FMN1: variants seen among roughly 807,000 people sequenced by gnomAD.
FMN1 encodes the protein formin 1, also known as formin-1.
FMN1 carries 110 observed loss-of-function variants against 132.4 expected under a neutral mutation model. The ratio of observed to expected loss-of-function variants is 0.83; its 90% confidence interval spans 0.71 to 0.97. The LOEUF (loss-of-function observed/expected upper bound fraction) is 0.97, where lower values mean the gene tolerates loss of function less well. Among genes scored for constraint, FMN1 ranks in the 50% least tolerant of loss-of-function variants. FMN1 has a pLI of 0.00. For missense variants in FMN1, 1,792 were observed against 1,705.3 expected (o/e 1.05, Z -0.90); for synonymous variants, 722 against 651.7 (o/e 1.11, Z -1.64).
At chr15:33,104,132 T>TAAACA (rs2039395830) in intron 4 of FMN1, among the ~76,000 whole-genome samples, 1 of 152,152 alleles carries the variant, frequency 6.6e-6, no homozygotes, top group African/African-American at 2.4e-5. Context: ...AAGTGCATGA[T>TAAACA]AAACATTCCC....
intron 6 of FMN1, 79 bp downstream of exon 6, chr15:33,064,878 T>G: frequency 1.0e-6 from 1 of 962,436 alleles, no homozygotes. Context: ...CCCCAAATTC[T>G]GAGAGTCAAC....
intron 7 of FMN1, among the ~76,000 whole-genome samples, chr15:32,981,065 T>A (rs2032614781): frequency 6.6e-6 from 1 of 152,190 alleles, no homozygotes; most frequent in Non-Finnish European, 1.5e-5. Flanking sequence ...TTAGAGCTCT[T>A]TTATTTTATT....
chr15:32,903,667 A>G (rs541055104), intron 12 of FMN1, among the ~76,000 whole-genome samples: 1 of 152,346 alleles, frequency 6.6e-6, no homozygotes, highest in East Asian at 1.9e-4. Context: ...GCTCACCAAA[A>G]AGGACTTAGA....
At chr15:32,780,891 T>C (rs1025933634) in intron 19 of FMN1, among the ~76,000 whole-genome samples, 1 of 152,170 alleles carries the variant, frequency 6.6e-6, no homozygotes, top group East Asian at 1.9e-4. Context: ...AACCCATACA[T>C]ACAGACATCT....
In FMN1 at chr15:33,153,634, ACT is replaced by A; in HGVS notation, c.1279_1280del (p.Ser427Ter). ...CCTCAGGGGCTTCATCTAACTTCTC[ACT>A]CTCTATCACCTTCAGGGGGACCTTG... ...VNKVPLKVIESEKLDEAPEGK... is the reference protein window; with the variant it reads ...VNKVPLKVIEXEKLDEAPEGK... On this transcript the variant is annotated frameshift_variant, in exon 4 of 21. Transcript: ENST00000616417. LOFTEE classifies it high-confidence loss of function. 1 of 1,535,454 alleles carries A rather than the reference ACT, an allele frequency of 6.5e-7. No individual in the cohort carries two copies. Among genetic ancestry groups the A allele is most frequent in the African/African-American group, 1.4e-5 (1 of 72,868 alleles).
chr15:32,914,263 A>G (rs915688452), intron 10 of FMN1, among the ~76,000 whole-genome samples: 2 of 152,190 alleles, frequency 1.3e-5, no homozygotes, highest in Non-Finnish European at 2.9e-5. Flanking sequence ...GACACTGAAA[A>G]CACTAATCTA....
chr15:32,784,254 A>C (rs2056773465), intron 19 of FMN1, among the ~76,000 whole-genome samples: 1 of 152,200 alleles, frequency 6.6e-6, no homozygotes, highest in Non-Finnish European at 1.5e-5. Flanking sequence ...CAGGGAGAAG[A>C]GGCAGAATTA....
intron 9 of FMN1, among the ~76,000 whole-genome samples, chr15:32,929,449 A>T (rs2061049133): frequency 6.6e-6 from 1 of 152,188 alleles, no homozygotes; most frequent in Admixed American, 6.5e-5. Flanking sequence ...AGTGCACAAC[A>T]TGAAATGTAT....
At chr15:32,879,442 G>T (rs2059712075) in intron 16 of FMN1, among the ~76,000 whole-genome samples, 2 of 152,150 alleles carry the variant, frequency 1.3e-5, no homozygotes, top group Admixed American at 1.3e-4. Context: ...GTCTTCTGGA[G>T]CTTCCCAAAA....
intron 8 of FMN1, among the ~76,000 whole-genome samples, chr15:32,966,685 A>T (rs1596361388): frequency 1.3e-5 from 2 of 152,366 alleles, no homozygotes. Context: ...GATGAGAGGC[A>T]GTGTACACAT....
chr15:33,111,195 A>G (rs1007657991), intron 4 of FMN1, among the ~76,000 whole-genome samples: 4 of 152,204 alleles, frequency 2.6e-5, no homozygotes, highest in African/African-American at 7.2e-5. Flanking sequence ...TGTACATTGT[A>G]AAATGCTTTC....
At chr15:33,059,667 TA>T (rs2037393773) in intron 6 of FMN1, among the ~76,000 whole-genome samples, 2 of 152,252 alleles carry the variant, frequency 1.3e-5, no homozygotes, top group African/African-American at 4.8e-5. Context: ...ACACATAATT[TA>T]TCAACAGAGT....
intron 6 of FMN1, among the ~76,000 whole-genome samples, chr15:33,016,241 A>T (rs1596475187): frequency 6.6e-6 from 1 of 152,352 alleles, no homozygotes; most frequent in African/African-American, 2.4e-5. Flanking sequence ...AAATTCAAAC[A>T]AACTCATCCG....
chr15:33,026,642 C>G (rs947855229), intron 6 of FMN1, among the ~76,000 whole-genome samples: 1 of 152,186 alleles, frequency 6.6e-6, no homozygotes, highest in South Asian at 2.1e-4. Flanking sequence ...AGAAGAATCT[C>G]TGTCCTTAGC....
At chr15:32,850,105 A>ACCCATTTT (rs1322966203) in intron 17 of FMN1, among the ~76,000 whole-genome samples, 5 of 152,124 alleles carry the variant, frequency 3.3e-5, no homozygotes, top group African/African-American at 4.8e-5. Context: ...GTACACAAGA[A>ACCCATTTT]CCCATTTTGG....
At chr15:32,787,328 T>G (rs982875729) in intron 19 of FMN1, among the ~76,000 whole-genome samples, 1 of 152,208 alleles carries the variant, frequency 6.6e-6, no homozygotes. Context: ...CAAGTTCATT[T>G]ATCCCAGGCA....
intron 9 of FMN1, among the ~76,000 whole-genome samples, chr15:32,954,594 C>G (rs1052323528): frequency 2.2e-5 from 3 of 135,666 alleles, no homozygotes; most frequent in Non-Finnish European, 4.5e-5. Context: ...TTACTGACAC[C>G]AAAGCTGGGC....
At chr15:33,127,580 A>C (rs1963216927) in intron 4 of FMN1, among the ~76,000 whole-genome samples, 1 of 152,252 alleles carries the variant, frequency 6.6e-6, no homozygotes, top group Non-Finnish European at 1.5e-5. Context: ...ACCAGTCTGT[A>C]AGCATCCTAA....
intron 6 of FMN1, among the ~76,000 whole-genome samples, chr15:33,022,163 T>C (rs2035446984): frequency 6.6e-6 from 1 of 152,230 alleles, no homozygotes; most frequent in African/African-American, 2.4e-5. Flanking sequence ...ACAACGTCAA[T>C]GCTATGTAAA....
Sources: allele counts gnomAD v4.1 joint callset (sites outside exome capture counted in the v4.1 genomes callset), GRCh38; gene constraint gnomAD v4.1.1; transcripts MANE v1.5; gene names NCBI Gene and HGNC (gene_info 2026-07-23, HGNC 2026-07-21).